Variants in SLITRK6 observed in about 807,000 individuals in gnomAD.
The protein encoded by SLITRK6 is SLIT and NTRK-like protein 6.
A neutral mutation model predicts 55.6 loss-of-function variants in SLITRK6; 35 were observed. The observed-to-expected ratio is 0.63, with a 90% CI of 0.48 to 0.83. The LOEUF is 0.83. Among genes scored for constraint, SLITRK6 ranks in the 40% least tolerant of loss-of-function variants. The probability of loss-of-function intolerance (pLI) is 0.00; values close to 1 mark genes in which losing one functional copy is unlikely to be tolerated. For synonymous variants in SLITRK6, 392 were observed against 359.6 expected (o/e 1.09, Z -1.02); for missense variants, 977 against 986.4 (o/e 0.99, Z 0.13).
intron 1 of SLITRK6, among the ~76,000 whole-genome samples, chr13:85,798,392 T>G (rs1874784133): frequency 6.6e-6 from 1 of 151,982 alleles, no homozygotes; most frequent in African/African-American, 2.4e-5. Context: ...TTTATGCTCT[T>G]CAAAACGTGC....
rs756852967 is a variant in SLITRK6, at chr13:85,795,369, C to T, written c.1140G>A (p.Lys380=). 24 of 1,612,582 alleles carry T rather than the reference C, an allele frequency of 1.5e-5. No homozygotes were observed. The South Asian group carries it at 2.2e-4, about 15-fold the overall frequency. The stretch of plus-strand genomic sequence containing the variant: ...AAGTGAAATATTCCACTAGATCAGA[C>T]TTCATTAAACTGTGAATAATATTTC... The part of the protein sequence containing the change: ...LAGNIIHSLM[K]SDLVEYFTLE... The change falls in exon 2 of 2, where the codon AAG becomes AAA. Residue 380 remains lysine, a synonymous_variant. Transcript: ENST00000647374.
Position 85,795,737 on chromosome 13 carries a change from G to A in SLITRK6, c.772C>T (p.Leu258Phe), listed in dbSNP as rs1236004814. 3.1e-6 allele frequency: 5 copies of A among 1,612,656 alleles called. No homozygotes were observed. Among genetic ancestry groups the A allele is most frequent in the Non-Finnish European group, 4.2e-6 (5 of 1,179,338 alleles). ...ATAGATTCCTTCTTTAGTCTACTGA[G>A]TATACTTCCTTTAAAAAATGGAGGG... ...NSPPFFKGSI[L>F]SRLKKESICP... The change falls in exon 2 of 2, where the codon CTC (leucine) becomes TTC (phenylalanine). Residue 258 changes from leucine to phenylalanine, a missense_variant. By Grantham distance (22) the Leu-to-Phe change is conservative (BLOSUM62 0). Transcript: ENST00000647374.
rs1028877705 is a variant in SLITRK6, at chr13:85,795,522, G to T, written c.987C>A (p.Cys329Ter). 2 of 1,612,972 alleles carry T rather than the reference G, an allele frequency of 1.2e-6. No homozygotes were observed. Among genetic ancestry groups the T allele is most frequent in the Non-Finnish European group, 8.5e-7 (1 of 1,179,402 alleles). Residue 329 changes from cysteine to a stop codon, truncating the protein, a stop_gained, in exon 2 of 2, where the codon TGC (cysteine) becomes TGA (stop). Transcript: ENST00000647374. LOFTEE classifies it high-confidence loss of function. ...KPSTQLPGPYCPIPCNCKVLS... is the reference protein window; with the variant it reads ...KPSTQLPGPY ...GGACTTTGCAGTTACAAGGAATAGG[G>T]CAGTAAGGTCCTGGAAGTTGAGTGG...
rs1874810876 is a variant in SLITRK6, at chr13:85,799,249, C to T, written c.-360G>A. 6.6e-6 allele frequency: 1 copy of T among 151,988 alleles called. No homozygotes were observed. Among genetic ancestry groups the T allele is most frequent in the Admixed American group, 6.6e-5 (1 of 15,182 alleles). 9.4% of individuals were successfully genotyped at this position (151,988 alleles called of 1,614,324 possible). A position where few individuals can be genotyped will look rare whatever the true frequency, so the allele number is the denominator to read the frequency against. ...TTAACCATTTGCAAGCTGCTGAATG[C>T]AGTAAGTAAACAAGATGTTTAACAG... is the stretch of plus-strand genomic sequence containing the variant. On this transcript the variant is annotated 5_prime_UTR_variant, in exon 1 of 2. Transcript: ENST00000647374.
rs775938155 is a variant in SLITRK6, at chr13:85,795,085, G to A, written c.1424C>T (p.Pro475Leu). The change falls in exon 2 of 2, where the codon CCA becomes CTA. Residue 475 changes from proline to leucine, a missense_variant. Coordinates refer to ENST00000647374, the MANE Select transcript of SLITRK6 (RefSeq NM_032229.3). ...YLNNNLLQVLPPHIFSGVPLT... is the reference protein window; with the variant it reads ...YLNNNLLQVLLPHIFSGVPLT... ...AGGAACCCCTGAAAAAATATGTGGT[G>A]GTAAAACTTGGAGGAGGTTGTTATT... The A allele has an allele frequency of 1.6e-5, 26 of 1,612,952 alleles. No homozygotes were observed. Among genetic ancestry groups the A allele is most frequent in the Non-Finnish European group, 2.2e-5 (26 of 1,179,386 alleles).
At position 85,794,444 on chromosome 13, in the gene SLITRK6, C is replaced by CG; in HGVS notation, c.2064_2065insC (p.Val689ArgfsTer3). ...GGACCAAAGGATGGACTTCTATAGA[C>CG]ATGAACCATGGGGCTCACCATGTGC... On this transcript the variant is annotated frameshift_variant, in exon 2 of 2. Coordinates refer to ENST00000647374, the MANE Select transcript of SLITRK6 (RefSeq NM_032229.3). LOFTEE classifies it high-confidence loss of function. 1 of 1,613,372 alleles carries CG rather than the reference C, an allele frequency of 6.2e-7. No homozygotes were observed. Among genetic ancestry groups the CG allele is most frequent in the Non-Finnish European group, 8.5e-7 (1 of 1,179,554 alleles).
rs749241401 is a variant in SLITRK6, at chr13:85,794,905, A to G, written c.1604T>C (p.Leu535Ser). The change falls in exon 2 of 2, where the codon TTA (leucine) becomes TCA (serine). Residue 535 changes from leucine (L) to serine (S), a missense_variant. Coordinates refer to ENST00000647374, the MANE Select transcript of SLITRK6 (RefSeq NM_032229.3). ...LVGLQQWIQKLSKNTVTDDIL... is the reference protein window; with the variant it reads ...LVGLQQWIQKSSKNTVTDDIL... Reference sequence around the variant, plus strand: ...GTCATCTGTCACTGTGTTCTTGCTTAACTTTTGTATCCATTGCTGCAGTCC... The same window carrying G: ...GTCATCTGTCACTGTGTTCTTGCTTGACTTTTGTATCCATTGCTGCAGTCC... 6.2e-6 allele frequency: 10 copies of G among 1,613,046 alleles called. No individual in the cohort carries two copies. The South Asian group carries it at 1.1e-4, about 18-fold the overall frequency.
chr13:85,794,495 T>C lies in SLITRK6; in HGVS notation c.2014A>G (p.Arg672Gly). 3 of 1,613,396 alleles carry C rather than the reference T, an allele frequency of 1.9e-6. No individual in the cohort carries two copies. The highest frequency in any genetic ancestry group is 2.5e-6 in the Non-Finnish European group (3 of 1,179,586). ...TGTTCATAGAGTGAGGCAGAGGGTC[T>C]TTCAGTAGTGTGATGAGTGGTTTTA... ...GHKTTHHTTE[R>G]PSASLYEQHM... Residue 672 changes from arginine to glycine, a missense_variant, in exon 2 of 2, where the codon AGA becomes GGA. Physicochemically the swap from Arg to Gly is moderately radical, Grantham distance 125. Coordinates refer to ENST00000647374, the MANE Select transcript of SLITRK6 (RefSeq NM_032229.3).
In SLITRK6 at chr13:85,795,077, T is replaced by C. The variant is rs1874666717; in HGVS notation, c.1432A>G (p.Ile478Val). The change falls in exon 2 of 2, where the codon ATT (isoleucine) becomes GTT (valine). Residue 478 changes from isoleucine to valine, a missense_variant. Coordinates refer to ENST00000647374, the MANE Select transcript of SLITRK6 (RefSeq NM_032229.3). Reference sequence around the variant, plus strand: ...TTAGTTAGAGGAACCCCTGAAAAAATATGTGGTGGTAAAACTTGGAGGAGG... The same window carrying C: ...TTAGTTAGAGGAACCCCTGAAAAAACATGTGGTGGTAAAACTTGGAGGAGG... ...NNLLQVLPPH[I>V]FSGVPLTKVN... is the part of the protein sequence containing the mutation. The C allele has an allele frequency of 6.2e-7, 1 of 1,612,852 alleles. No homozygotes were observed. Among genetic ancestry groups the C allele is most frequent in the Non-Finnish European group, 8.5e-7 (1 of 1,179,380 alleles).
In SLITRK6 at chr13:85,796,112, G is replaced by A. The variant is rs546224021; in HGVS notation, c.397C>T (p.His133Tyr). 4.3e-6 allele frequency: 7 copies of A among 1,612,452 alleles called. No individual in the cohort carries two copies. The African/African-American group carries it at 5.3e-5, about 12-fold the overall frequency. Residue 133 changes from histidine to tyrosine, a missense_variant, in exon 2 of 2, where the codon CAT (histidine) becomes TAT (tyrosine). Physicochemically the swap from His to Tyr is moderately conservative, Grantham distance 83 (BLOSUM62 2). Transcript: ENST00000647374. Reference protein sequence around the residue: ...SLEILKEDTFHGLENLEFLQA... With the variant: ...SLEILKEDTFYGLENLEFLQA... ...AGGAATTCCAGGTTTTCCAGTCCAT[G>A]GAAAGTATCCTCTTTAAGAATTTCT...
chr13:85,795,863 C>G lies in SLITRK6; in HGVS notation c.646G>C (p.Glu216Gln). The G allele has an allele frequency of 6.2e-7, 1 of 1,613,026 alleles. No homozygotes were observed. ...CAATTGCAGGCCCATTTGTTGTCCTCCAACTGAAGATCCAATATTCGGCCA... is the reference window on the plus strand; with the variant it reads ...CAATTGCAGGCCCATTTGTTGTCCTGCAACTGAAGATCCAATATTCGGCCA... ...HIGRILDLQL[E>Q]DNKWACNCDL... Residue 216 changes from glutamate (E) to glutamine (Q), a missense_variant, in exon 2 of 2, where the codon GAG (glutamate) becomes CAG (glutamine). Glu to Gln is a conservative substitution (Grantham distance 29, BLOSUM62 2). Transcript: ENST00000647374.
rs145155864 is a variant in SLITRK6 at position 85,794,326 on chromosome 13, G to A, written c.2183C>T (p.Ser728Leu). 4.6e-5 allele frequency: 74 copies of A among 1,613,276 alleles called. No individual in the cohort carries two copies. In the African/African-American group the frequency reaches 6.8e-4, roughly 15 times the overall value. The change falls in exon 2 of 2, where the codon TCA (serine) becomes TTA (leucine). Residue 728 changes from serine (S) to leucine (L), a missense_variant. Ser to Leu is a moderately radical substitution (Grantham distance 145, BLOSUM62 -2). Coordinates refer to ENST00000647374, the MANE Select transcript of SLITRK6 (RefSeq NM_032229.3). ...TTTCATATTTGACCCTGTGAGTGGT[G>A]AATGATTTTCCTGTTCCAAAAGACT... ...QRSLLEQENHSPLTGSNMKYK... is the reference protein window; with the variant it reads ...QRSLLEQENHLPLTGSNMKYK...
rs184678019 is a variant in SLITRK6, at chr13:85,793,623, G to A, written c.*360C>T. On this transcript the variant is annotated 3_prime_UTR_variant, in exon 2 of 2. Coordinates refer to ENST00000647374, the MANE Select transcript of SLITRK6 (RefSeq NM_032229.3). ...GGTTTTTAAATGATGAAATCCAATTGTAATTAATCTATAGGGAAAGCAATT... is the reference window on the plus strand; with the variant it reads ...GGTTTTTAAATGATGAAATCCAATTATAATTAATCTATAGGGAAAGCAATT... The A allele has an allele frequency of 4.2e-3, 757 of 179,540 alleles. 5 individuals are homozygous for A. The highest frequency in any genetic ancestry group is 0.016 in the African/African-American group (683 of 42,428). The allele number at this position is 179,540 out of a possible 1,614,324, so 11.1% of individuals were successfully genotyped here.
intron 1 of SLITRK6, among the ~76,000 whole-genome samples, chr13:85,797,339 C>T (rs564062809): frequency 6.6e-6 from 1 of 151,542 alleles, no homozygotes; most frequent in Non-Finnish European, 1.5e-5. Context: ...TCACTTAAAT[C>T]ATTATATTTA....
At position 85,796,041 on chromosome 13, in the gene SLITRK6, A is replaced by G; in HGVS notation, c.468T>C (p.Phe156=). Residue 156 remains phenylalanine, a synonymous_variant, in exon 2 of 2, where the codon TTT becomes TTC. Coordinates refer to ENST00000647374, the MANE Select transcript of SLITRK6 (RefSeq NM_032229.3). ...ACACTTTGAGTCTGTTGAGCTTGCT[A>G]AAGGCACTTGGTTCAATCACTGTGA... ...NFITVIEPSA[F]SKLNRLKVLI... The G allele has an allele frequency of 6.2e-7, 1 of 1,613,196 alleles. No individual in the cohort carries two copies. The highest frequency in any genetic ancestry group is 8.5e-7 in the Non-Finnish European group (1 of 1,179,500).
Position 85,794,186 on chromosome 13 carries a change from G to T in SLITRK6, c.2323C>A (p.Leu775Ile), listed in dbSNP as rs768970475. ...ELQQLGITEY[L>I]RKNIAQLQPD... The stretch of plus-strand genomic sequence containing the variant: ...TGGAGCTGAGCAATGTTTTTCCTTA[G>T]GTATTCTGTGATTCCCAGTTGCTGA... Residue 775 changes from leucine (L) to isoleucine (I), a missense_variant, in exon 2 of 2, where the codon CTA (leucine) becomes ATA (isoleucine). Leu to Ile is a conservative substitution (Grantham distance 5). Coordinates refer to ENST00000647374, the MANE Select transcript of SLITRK6 (RefSeq NM_032229.3). 2.5e-5 allele frequency: 40 copies of T among 1,612,540 alleles called. No individual in the cohort carries two copies. The highest frequency in any genetic ancestry group is 3.3e-5 in the Non-Finnish European group (39 of 1,179,328).
rs752199965 is a variant in SLITRK6 at position 85,794,501 on chromosome 13, T to C, written c.2008A>G (p.Thr670Ala). 34 of 1,613,162 alleles carry C rather than the reference T, an allele frequency of 2.1e-5. No homozygotes were observed. The highest frequency in any genetic ancestry group is 2.6e-5 in the Non-Finnish European group (31 of 1,179,566). ...TAGAGTGAGGCAGAGGGTCTTTCAG[T>C]AGTGTGATGAGTGGTTTTATGGCCA... ...MYGHKTTHHT[T>A]ERPSASLYEQ... The change falls in exon 2 of 2, where the codon ACT becomes GCT. Residue 670 changes from threonine (T) to alanine (A), a missense_variant. Coordinates refer to ENST00000647374, the MANE Select transcript of SLITRK6 (RefSeq NM_032229.3).
chr13:85,796,320 T>A lies in SLITRK6; in HGVS notation c.189A>T (p.Pro63=), dbSNP rs1338092874. ...ATAAGCTTAGTTGGAAAGGTCGTGA[T>A]GGTGGCACACTTATTTCAGATACCA... ...IKMVSEISVP[P]SRPFQLSLLN... is the part of the protein sequence containing the mutation. Residue 63 remains proline, a synonymous_variant, in exon 2 of 2, where the codon CCA becomes CCT. Coordinates refer to ENST00000647374, the MANE Select transcript of SLITRK6 (RefSeq NM_032229.3). 3 of 1,612,434 alleles carry A rather than the reference T, an allele frequency of 1.9e-6. No homozygotes were observed. In the South Asian group the frequency reaches 3.3e-5, roughly 18 times the overall value.
At position 85,794,714 on chromosome 13, in the gene SLITRK6, G is replaced by T. The variant is rs772203918; in HGVS notation, c.1795C>A (p.Arg599=). Residue 599 remains arginine (R), a synonymous_variant, in exon 2 of 2, where the codon CGA becomes AGA. Coordinates refer to ENST00000647374, the MANE Select transcript of SLITRK6 (RefSeq NM_032229.3). ...TTTNTADTIL[R]SLTDAVPLSV... Reference sequence around the variant, plus strand: ...AGTGGCACAGCGTCCGTAAGAGATCGTAAAATAGTATCAGCCGTATTTGTT... The same window carrying T: ...AGTGGCACAGCGTCCGTAAGAGATCTTAAAATAGTATCAGCCGTATTTGTT... 1.2e-6 allele frequency: 2 copies of T among 1,613,066 alleles called. No individual in the cohort carries two copies. The highest frequency in any genetic ancestry group is 1.7e-5 in the Admixed American group (1 of 59,830).
Sources: gnomAD v4.1 joint callset for allele counts (sites outside exome capture counted in the v4.1 genomes callset) on GRCh38, gnomAD v4.1.1 for gene constraint, MANE v1.5 for transcripts, NCBI Gene and HGNC (gene_info 2026-07-23, HGNC 2026-07-21) for gene names.